Variants in SDC1 observed in about 807,000 individuals in gnomAD.
SDC1 encodes syndecan-1.
In SDC1, 14 loss-of-function variants were observed where a neutral mutation model predicts 29.7. The ratio of observed to expected loss-of-function variants is 0.47; its 90% CI spans 0.31 to 0.74. The LOEUF is 0.74. Among genes scored for constraint, SDC1 ranks in the 30% least tolerant of loss-of-function variants. The pLI, the probability that SDC1 is intolerant of heterozygous loss-of-function variation, is 0.05. For synonymous variants in SDC1, 204 were observed against 175.5 expected, an observed-to-expected ratio of 1.16 and a Z score of -1.29; for missense variants, 406 against 400.3, an observed-to-expected ratio of 1.01 and a Z score of -0.12.
Position 20,224,871 on chromosome 2 carries a change from G to A in SDC1, c.-4C>T. On this transcript the variant is annotated 5_prime_UTR_variant, in exon 1 of 5. Coordinates refer to ENST00000254351, the MANE Select transcript of SDC1 (RefSeq NM_002997.5). This position sits in a 1 kb window ranked among gnomAD's most constrained non-coding sequence, Gnocchi z 4.9. Reference sequence around the variant, plus strand: ...GCCAGAGCGCCGCGCGCCTCATGCTGCCCGGACCGGCGGCGGGAGAGCGGC... The same window carrying A: ...GCCAGAGCGCCGCGCGCCTCATGCTACCCGGACCGGCGGCGGGAGAGCGGC... 8.2e-7 allele frequency: 1 copy of A among 1,225,050 alleles called. No homozygotes were observed. Among genetic ancestry groups the A allele is most frequent in the South Asian group, 3.9e-5 (1 of 25,964 alleles). The allele number at this position is 1,225,050 out of a possible 1,614,324, so 75.9% of individuals were successfully genotyped here.
intron 1 of SDC1, among the ~76,000 whole-genome samples, chr2:20,219,554 T>G (rs893928855): frequency 2.0e-5 from 3 of 152,218 alleles, no homozygotes; most frequent in Admixed American, 2.0e-4. Context: ...AGCCTTCCCC[T>G]GGAGCCTGTC....
intron 1 of SDC1, among the ~76,000 whole-genome samples, chr2:20,213,739 G>A (rs942271248): frequency 5.3e-5 from 8 of 152,234 alleles, no homozygotes; most frequent in African/African-American, 1.4e-4. Context: ...GGTAGCCACC[G>A]GACCTGGGGA....
chr2:20,207,860 C>G, intron 1 of SDC1: 1 of 825,502 alleles, frequency 1.2e-6, no homozygotes, highest in Non-Finnish European at 1.5e-6. Flanking sequence ...CTCAACCTGT[C>G]TCCTTCATCA....
intron 1 of SDC1, among the ~76,000 whole-genome samples, chr2:20,220,985 C>G (rs1243725892): frequency 6.6e-6 from 1 of 152,112 alleles, no homozygotes; most frequent in Non-Finnish European, 1.5e-5. Context: ...CAAACCAGGT[C>G]GAGGAACTTG....
chr2:20,214,021 A>G (rs764359684), intron 1 of SDC1, among the ~76,000 whole-genome samples: 1 of 152,202 alleles, frequency 6.6e-6, no homozygotes. Context: ...ACACTACAGC[A>G]TAAATCACTT....
At chr2:20,218,912 C>T (rs913925092) in intron 1 of SDC1, among the ~76,000 whole-genome samples, 2 of 152,106 alleles carry the variant, frequency 1.3e-5, no homozygotes, top group Non-Finnish European at 2.9e-5. Context: ...CCAGGGCTGA[C>T]GGCCAGAGGA....
At chr2:20,219,513 A>G (rs1464881189) in intron 1 of SDC1, among the ~76,000 whole-genome samples, 2 of 151,520 alleles carry the variant, frequency 1.3e-5, no homozygotes, top group Non-Finnish European at 2.9e-5. Context: ...CCCCAAACAT[A>G]CCTCCTTGTG....
chr2:20,218,610 C>A (rs1231996586), intron 1 of SDC1, among the ~76,000 whole-genome samples: 2 of 150,860 alleles, frequency 1.3e-5, no homozygotes, highest in Admixed American at 6.6e-5. Flanking sequence ...TATACACGGA[C>A]GCAGACACAC....
At chr2:20,204,367 C>T (rs1375968192) in intron 2 of SDC1, 76 bp from the exon 3 acceptor site, 14 of 499,982 alleles carry the variant, frequency 2.8e-5, no homozygotes, top group East Asian at 3.8e-5. Flanking sequence ...TTGGGTGGGT[C>T]GGGGGAGGCT....
At position 20,223,218 on chromosome 2, in the gene SDC1, G is replaced by C. The variant is rs1238879306; in HGVS notation, c.66+1584C>G. 8.5e-6 allele frequency: 11 copies of C among 1,298,004 alleles called. No homozygotes were observed. The Admixed American group carries it at 1.6e-4, about 19-fold the overall frequency. The allele number at this position is 1,298,004 out of a possible 1,614,324, so 80.4% of individuals were successfully genotyped here. A position where few individuals can be genotyped will look rare whatever the true frequency, so the allele number is the denominator to read the frequency against. ...CACGAGTCACCTGGGAAGCAGGGAGGGCGCTTTACACATCGGTCTCAGAAA... is the reference window on the plus strand; with the variant it reads ...CACGAGTCACCTGGGAAGCAGGGAGCGCGCTTTACACATCGGTCTCAGAAA... On this transcript the variant is annotated intron_variant, in intron 1 of 4. Transcript: ENST00000254351.
At chr2:20,214,861 G>A (rs1288002037) in intron 1 of SDC1, among the ~76,000 whole-genome samples, 2 of 152,192 alleles carry the variant, frequency 1.3e-5, no homozygotes, top group East Asian at 3.8e-4. Context: ...AGTCCTCTGG[G>A]CCAGAGGAGC....
intron 1 of SDC1, among the ~76,000 whole-genome samples, chr2:20,217,690 A>C (rs1230516474): frequency 6.6e-6 from 1 of 152,168 alleles, no homozygotes; most frequent in African/African-American, 2.4e-5. Flanking sequence ...GCAGTGGATC[A>C]AGGTTGGTTG....
Position 20,224,524 on chromosome 2 carries a change from C to T in SDC1, c.66+278G>A, listed in dbSNP as rs1263417905. Among the ~76,000 whole-genome samples, 1 of 151,614 alleles carries T rather than the reference C, an allele frequency of 6.6e-6. No homozygotes were observed. Among genetic ancestry groups the T allele is most frequent in the African/African-American group, 2.4e-5 (1 of 41,312 alleles). ...GACCCCGGGCGCCGCTGTGGGCTGG[C>T]GGGCTCCGACAGATGTGGAGACGTT... On this transcript the variant is annotated intron_variant, in intron 1 of 4. Transcript: ENST00000254351. The surrounding 1 kb of genome is among the most constrained non-coding windows in gnomAD (Gnocchi z 4.9).
At chr2:20,207,088 C>A (rs886117054) in intron 1 of SDC1, among the ~76,000 whole-genome samples, 2 of 152,228 alleles carry the variant, frequency 1.3e-5, no homozygotes, top group Non-Finnish European at 2.9e-5. Context: ...CACAGGCCCA[C>A]GGGTCTCACT....
chr2:20,203,537 G>A (rs977584954), intron 3 of SDC1, among the ~76,000 whole-genome samples: 1 of 152,238 alleles, frequency 6.6e-6, no homozygotes, highest in Non-Finnish European at 1.5e-5. Flanking sequence ...ATTGGACTTG[G>A]TATAACGTTC....
At chr2:20,203,660 C>T (rs56783804) in intron 3 of SDC1, among the ~76,000 whole-genome samples, 153 bp downstream of exon 3, 2,406 of 152,242 alleles carry the variant, frequency 0.016, 60 homozygotes, top group African/African-American at 0.053. Flanking sequence ...CTGCTCTGGG[C>T]GAGGCCCTGG....
At chr2:20,223,254 T>A in intron 1 of SDC1, 1 of 1,301,598 alleles carries the variant, frequency 7.7e-7, no homozygotes, top group Non-Finnish European at 1.0e-6. Flanking sequence ...CGACTGTCCC[T>A]ACCTCATCTC....
At chr2:20,203,497 T>C (rs1021846584) in intron 3 of SDC1, among the ~76,000 whole-genome samples, 2 of 152,230 alleles carry the variant, frequency 1.3e-5, no homozygotes, top group Admixed American at 1.3e-4. Context: ...GTGTAAAGCG[T>C]AAAATTCCCA....
Position 20,202,804 on chromosome 2 carries a change from A to C in SDC1, c.895T>G (p.Tyr299Asp), listed in dbSNP as rs775624275. The change falls in exon 5 of 5, where the codon TAC becomes GAC. Residue 299 changes from tyrosine to aspartate, a missense_variant. Physicochemically the swap from Tyr to Asp is radical, Grantham distance 160. Transcript: ENST00000254351. ...TCCTCCTGTTTGGTGGGCTTCTGGT[A>C]GGCCCCGCCGTTGGCTTGTTTCGGC... The part of the protein sequence containing the change: ...EEPKQANGGA[Y>D]QKPTKQEEFY... 6.2e-7 allele frequency: 1 copy of C among 1,612,574 alleles called. No individual in the cohort carries two copies. Among genetic ancestry groups the C allele is most frequent in the African/African-American group, 1.3e-5 (1 of 74,876 alleles).
Sources: gnomAD v4.1 joint callset for allele counts (sites outside exome capture counted in the v4.1 genomes callset) on GRCh38, gnomAD v4.1.1 for gene constraint, Gnocchi (gnomAD v3.1) non-coding constraint, MANE v1.5 for transcripts, NCBI Gene and HGNC (gene_info 2026-07-23, HGNC 2026-07-21) for gene names.